Variants in PARD3 observed in about 807,000 individuals in gnomAD.
PARD3 encodes the protein par-3 family cell polarity regulator.
In PARD3, 75 loss-of-function variants were observed where a neutral mutation model predicts 155.4. The ratio of observed to expected loss-of-function variants is 0.48; its 90% confidence interval spans 0.40 to 0.58. The LOEUF is 0.58. Ranked by LOEUF, PARD3 falls within the 20% of genes least tolerant of loss-of-function variation. The pLI is 0.00. For missense variants in PARD3, 1,642 were observed against 1,721.7 expected, an observed-to-expected ratio of 0.95 and a Z score of 0.82; for synonymous variants, 576 against 610.5, an observed-to-expected ratio of 0.94 and a Z score of 0.83.
At chr10:34,186,303 C>A (rs532398696) in intron 22 of PARD3, among the ~76,000 whole-genome samples, 1 of 147,790 alleles carries the variant, frequency 6.8e-6, no homozygotes, top group Non-Finnish European at 1.5e-5. Flanking sequence ...AAGGCTGTAG[C>A]GGGCTATGAT....
chr10:34,364,936 T>C (rs1332326312), intron 12 of PARD3, among the ~76,000 whole-genome samples: 3 of 152,338 alleles, frequency 2.0e-5, no homozygotes, highest in Admixed American at 6.5e-5. Flanking sequence ...TTGCTCCATA[T>C]ATTTTCTTCA....
chr10:34,399,206 T>C (rs1843646068), intron 7 of PARD3, 124 bp downstream of exon 7: 1 of 694,508 alleles, frequency 1.4e-6, no homozygotes, highest in East Asian at 2.5e-5. Flanking sequence ...AAGGAGCAGT[T>C]GCCTCCAAAT....
intron 19 of PARD3, among the ~76,000 whole-genome samples, chr10:34,323,447 T>TA (rs1362101615): frequency 2.6e-5 from 4 of 152,130 alleles, no homozygotes; most frequent in East Asian, 3.9e-4. Context: ...TGTGAGGAGG[T>TA]AAAAAAGCTA....
chr10:34,378,953 CAAG>C (rs1841544327), intron 9 of PARD3, among the ~76,000 whole-genome samples: 1 of 152,126 alleles, frequency 6.6e-6, no homozygotes, highest in Admixed American at 6.6e-5. Context: ...AATCAAGACG[CAAG>C]AAGCCAACAC....
chr10:34,187,081 TG>T (rs952435973), intron 22 of PARD3, among the ~76,000 whole-genome samples: 1 of 151,908 alleles, frequency 6.6e-6, no homozygotes, highest in African/African-American at 2.4e-5. Context: ...GAACAATGAG[TG>T]GTGTTTCAGT....
chr10:34,267,881 T>C (rs1279680564), intron 22 of PARD3, among the ~76,000 whole-genome samples: 1 of 152,140 alleles, frequency 6.6e-6, no homozygotes, highest in African/African-American at 2.4e-5. Context: ...TCCATCAATG[T>C]GTGTTTTAAG....
intron 14 of PARD3, among the ~76,000 whole-genome samples, chr10:34,357,258 T>C (rs936377381): frequency 6.6e-6 from 1 of 152,164 alleles, no homozygotes; most frequent in South Asian, 2.1e-4. Flanking sequence ...GCATTCAATG[T>C]TTTCTGTGAA....
intron 22 of PARD3, among the ~76,000 whole-genome samples, chr10:34,252,715 T>C (rs1954392828): frequency 6.6e-6 from 1 of 151,874 alleles, no homozygotes; most frequent in Non-Finnish European, 1.5e-5. Flanking sequence ...TATGTGTGTG[T>C]ATATATATAA....
chr10:34,304,114 G>A (rs890233529), intron 20 of PARD3, among the ~76,000 whole-genome samples: 3 of 152,098 alleles, frequency 2.0e-5, no homozygotes, highest in Non-Finnish European at 2.9e-5. Flanking sequence ...GGCTGCCATC[G>A]CACCTACACA....
chr10:34,549,379 A>T (rs952129949), intron 2 of PARD3, among the ~76,000 whole-genome samples: 1 of 152,198 alleles, frequency 6.6e-6, no homozygotes, highest in African/African-American at 2.4e-5. Context: ...ACATTCTCTT[A>T]TCCATAGTCC....
chr10:34,813,909 G>A (rs922578550), intron 1 of PARD3, among the ~76,000 whole-genome samples: 1 of 152,224 alleles, frequency 6.6e-6, no homozygotes, highest in East Asian at 1.9e-4. Context: ...TTCAGCGTGG[G>A]CTGTTGTCAA....
At chr10:34,626,324 C>A (rs2091979189) in intron 2 of PARD3, among the ~76,000 whole-genome samples, 1 of 152,172 alleles carries the variant, frequency 6.6e-6, no homozygotes, top group African/African-American at 2.4e-5. Flanking sequence ...CACTCACTGT[C>A]CCTGTGTGTG....
intron 22 of PARD3, among the ~76,000 whole-genome samples, chr10:34,204,257 C>T (rs1951357204): frequency 1.3e-5 from 2 of 152,138 alleles, no homozygotes; most frequent in South Asian, 4.1e-4. Context: ...AAAGGAGAGA[C>T]CCAGAGCAAG....
At chr10:34,631,745 A>T (rs2092280205) in intron 2 of PARD3, among the ~76,000 whole-genome samples, 1 of 152,168 alleles carries the variant, frequency 6.6e-6, no homozygotes, top group African/African-American at 2.4e-5. Context: ...CTATATGCAC[A>T]TGCCACTATA....
At chr10:34,736,213 G>C (rs2094911103) in intron 1 of PARD3, among the ~76,000 whole-genome samples, 1 of 151,902 alleles carries the variant, frequency 6.6e-6, no homozygotes, top group Non-Finnish European at 1.5e-5. Context: ...TGTATTTTTA[G>C]TAGAGACAGG....
intron 2 of PARD3, among the ~76,000 whole-genome samples, chr10:34,558,070 G>A (rs974576954): frequency 2.0e-5 from 3 of 151,990 alleles, no homozygotes; most frequent in African/African-American, 7.2e-5. Flanking sequence ...CTGGCTGTAT[G>A]TGCTAAGTAT....
chr10:34,798,672 TC>T (rs56005077), intron 1 of PARD3, among the ~76,000 whole-genome samples: 46,173 of 143,122 alleles, frequency 0.32, 7,543 homozygotes, highest in African/African-American at 0.43. Flanking sequence ...GCCATTGCAC[TC>T]CAGACTGGGG....
chr10:34,206,238 GC>G (rs1308726393), intron 22 of PARD3, among the ~76,000 whole-genome samples: 3 of 152,230 alleles, frequency 2.0e-5, no homozygotes, highest in African/African-American at 7.2e-5. Flanking sequence ...CAGGCTGCTT[GC>G]TGGTCCAGGG....
At chr10:34,297,041 C>T (rs1055233561) in intron 20 of PARD3, among the ~76,000 whole-genome samples, 7 of 152,206 alleles carry the variant, frequency 4.6e-5, no homozygotes, top group African/African-American at 1.4e-4. Context: ...CTCACTCAGC[C>T]TGGGTGTTGT....
Sources: allele counts gnomAD v4.1 joint callset (sites outside exome capture counted in the v4.1 genomes callset), GRCh38; gene constraint gnomAD v4.1.1; transcripts MANE v1.5; gene names NCBI Gene and HGNC (gene_info 2026-07-23, HGNC 2026-07-21).